The following DLGAP2 variants were observed in gnomAD, a reference collection of about 807,000 sequenced individuals.
The protein encoded by DLGAP2 is DLG associated protein 2.
DLGAP2 carries 26 observed loss-of-function variants against 100.3 expected under a neutral mutation model. The observed-to-expected ratio is 0.26, with a 90% CI of 0.19 to 0.36. The LOEUF (loss-of-function observed/expected upper bound fraction) is 0.36, where lower values mean the gene tolerates loss of function less well. Among genes scored for constraint, DLGAP2 ranks in the 10% least tolerant of loss-of-function variants. The pLI is 1.00. For synonymous variants in DLGAP2, 886 were observed against 630.1 expected (o/e 1.41, Z -6.08); for missense variants, 1,858 against 1,453.2 (o/e 1.28, Z -4.53).
intron 2 of DLGAP2, among the ~76,000 whole-genome samples, chr8:1,212,768 C>A (rs902738498): frequency 9.7e-5 from 10 of 102,976 alleles, no homozygotes; most frequent in African/African-American, 1.5e-4. Flanking sequence ...TCTTCCCCCC[C>A]GCCCACCCCC....
At chr8:1,430,027 T>TACAC (rs58468404) in intron 3 of DLGAP2, among the ~76,000 whole-genome samples, 9 of 76,888 alleles carry the variant, frequency 1.2e-4, no homozygotes, top group South Asian at 5.3e-4. Context: ...TATATATATA[T>TACAC]ACACACACAC....
intron 2 of DLGAP2, among the ~76,000 whole-genome samples, chr8:1,182,960 C>T (rs543913135): frequency 2.0e-5 from 3 of 152,174 alleles, no homozygotes; most frequent in East Asian, 1.9e-4. Flanking sequence ...ACCATGGAGC[C>T]GGTGGAAGGT....
intron 2 of DLGAP2, among the ~76,000 whole-genome samples, chr8:958,052 C>T (rs1254015121): frequency 6.6e-6 from 1 of 152,136 alleles, no homozygotes; most frequent in Non-Finnish European, 1.5e-5. Flanking sequence ...AACCCACCCC[C>T]AGCCCCTGGC....
chr8:1,374,973 C>T (rs548527822), intron 3 of DLGAP2, among the ~76,000 whole-genome samples: 68 of 151,646 alleles, frequency 4.5e-4, no homozygotes, highest in Admixed American at 9.2e-4. Context: ...ATCTCAAGCC[C>T]AATACCACAG....
chr8:912,867 C>T (rs1057053448), intron 2 of DLGAP2, among the ~76,000 whole-genome samples: 11 of 150,888 alleles, frequency 7.3e-5, no homozygotes, highest in Admixed American at 5.3e-4. Flanking sequence ...CCACGGTGCC[C>T]GCCTTCCTCT....
intron 6 of DLGAP2, among the ~76,000 whole-genome samples, chr8:1,595,966 T>C (rs965280243): frequency 2.5e-4 from 38 of 152,150 alleles, no homozygotes; most frequent in Middle Eastern, 3.4e-3. Context: ...TGGTGTGCTG[T>C]ACCCATTAAC....
At chr8:845,825 T>C (rs1797061697) in intron 1 of DLGAP2, among the ~76,000 whole-genome samples, 1 of 152,260 alleles carries the variant, frequency 6.6e-6, no homozygotes, top group Non-Finnish European at 1.5e-5. Flanking sequence ...CATTTTGCAT[T>C]GATGTTTGCA....
At chr8:843,207 C>T (rs1451918586) in intron 1 of DLGAP2, among the ~76,000 whole-genome samples, 1 of 152,174 alleles carries the variant, frequency 6.6e-6, no homozygotes, top group Non-Finnish European at 1.5e-5. Context: ...TTCCGACTTC[C>T]TAGAGCTCTC....
chr8:1,089,746 T>C (rs889013155), intron 2 of DLGAP2, among the ~76,000 whole-genome samples: 1 of 152,224 alleles, frequency 6.6e-6, no homozygotes, highest in Non-Finnish European at 1.5e-5. Flanking sequence ...AGGAGGGGTG[T>C]TTTCCTCTGG....
At chr8:1,039,572 G>A (rs1489007993) in intron 2 of DLGAP2, among the ~76,000 whole-genome samples, 8 of 102,602 alleles carry the variant, frequency 7.8e-5, no homozygotes, top group Admixed American at 1.0e-4. Flanking sequence ...CTTGGTGTGC[G>A]TGGTCAGCTC....
intron 6 of DLGAP2, among the ~76,000 whole-genome samples, chr8:1,613,796 T>G (rs1584994072): frequency 6.6e-6 from 1 of 152,196 alleles, no homozygotes; most frequent in African/African-American, 2.4e-5. Flanking sequence ...ATGTCCACCC[T>G]GCATGTTCAG....
rs148088555 is a variant in DLGAP2, at chr8:1,460,374, T to C, written c.107-40992T>C. Among the ~76,000 whole-genome samples the C allele has an allele frequency of 6.2e-4, 94 of 152,320 alleles. No individual in the cohort carries two copies. In the East Asian group the frequency reaches 0.017, roughly 28 times the overall value. ...TGTGAACAGATATCTGTGGAGTAAA[T>C]TCAATGTGTCAGATGCTGGCTAGGA... On this transcript the variant is annotated intron_variant, in intron 3 of 14. Coordinates refer to ENST00000637795, the MANE Select transcript of DLGAP2 (RefSeq NM_001346810.2).
intron 1 of DLGAP2, among the ~76,000 whole-genome samples, chr8:798,894 G>A (rs1158241173): frequency 6.6e-6 from 1 of 152,252 alleles, no homozygotes; most frequent in African/African-American, 2.4e-5. Context: ...GCCAGGTGAC[G>A]GGTGCCTGCT....
At chr8:1,279,867 C>T (rs909297797) in intron 3 of DLGAP2, among the ~76,000 whole-genome samples, 3 of 152,190 alleles carry the variant, frequency 2.0e-5, no homozygotes, top group African/African-American at 7.2e-5. Flanking sequence ...TGTTGAGTAG[C>T]AGTGTCAGGC....
chr8:1,416,523 C>T (rs1046668137), intron 3 of DLGAP2, among the ~76,000 whole-genome samples: 6 of 152,292 alleles, frequency 3.9e-5, no homozygotes, highest in Admixed American at 3.9e-4. Context: ...GTTCTAGCCC[C>T]GCTGAATGAA....
intron 3 of DLGAP2, among the ~76,000 whole-genome samples, chr8:1,485,930 G>C (rs1421651264): frequency 6.6e-6 from 1 of 152,222 alleles, no homozygotes; most frequent in African/African-American, 2.4e-5. Flanking sequence ...AGGAGGCTGA[G>C]GCAGGAGGAT....
At chr8:1,240,405 C>G (rs1339737354) in intron 2 of DLGAP2, among the ~76,000 whole-genome samples, 1 of 150,790 alleles carries the variant, frequency 6.6e-6, no homozygotes, top group Non-Finnish European at 1.5e-5. Flanking sequence ...GGCACCATGT[C>G]TAGTTCTCTC....
intron 2 of DLGAP2, among the ~76,000 whole-genome samples, chr8:946,595 C>G (rs1799333241): frequency 6.6e-6 from 1 of 152,202 alleles, no homozygotes; most frequent in Admixed American, 6.5e-5. Flanking sequence ...ACACAGTGTG[C>G]ATGACAGAGT....
intron 6 of DLGAP2, among the ~76,000 whole-genome samples, chr8:1,618,029 C>T (rs898319374): frequency 6.6e-6 from 1 of 152,164 alleles, no homozygotes; most frequent in African/African-American, 2.4e-5. Flanking sequence ...TAACTCCCTC[C>T]GTAAGATGAG....
Sources: gnomAD v4.1 joint callset for allele counts (sites outside exome capture counted in the v4.1 genomes callset) on GRCh38, gnomAD v4.1.1 for gene constraint, MANE v1.5 for transcripts, NCBI Gene and HGNC (gene_info 2026-07-23, HGNC 2026-07-21) for gene names.